DCC: variants seen among roughly 807,000 people sequenced by gnomAD.
The protein encoded by DCC is DCC netrin 1 receptor.
Under a neutral mutation model 172.5 loss-of-function variants are expected in DCC, and 58 were observed. That is an observed-to-expected ratio of 0.34 (90% CI 0.27 to 0.42). DCC has a LOEUF of 0.42. Among genes scored for constraint, DCC ranks in the 10% least tolerant of loss-of-function variants. DCC has a pLI of 1.00. For missense variants in DCC, 1,740 were observed against 1,791.0 expected, an observed-to-expected ratio of 0.97 and a Z score of 0.51; for synonymous variants, 709 against 644.5, an observed-to-expected ratio of 1.10 and a Z score of -1.52.
At chr18:52,683,061 T>A (rs914356410) in intron 1 of DCC, among the ~76,000 whole-genome samples, 1 of 152,062 alleles carries the variant, frequency 6.6e-6, no homozygotes, top group African/African-American at 2.4e-5. Context: ...CGTGGCTCAG[T>A]GTGAATGGAT....
At chr18:52,345,258 TTAAC>T (rs1271855721) in intron 1 of DCC, among the ~76,000 whole-genome samples, 4 of 152,182 alleles carry the variant, frequency 2.6e-5, no homozygotes, top group Admixed American at 2.6e-4. Flanking sequence ...AATTGATTGA[TTAAC>T]TAAGGATAAA....
chr18:53,292,111 C>G (rs1250864562), intron 12 of DCC, among the ~76,000 whole-genome samples: 1 of 71,604 alleles, frequency 1.4e-5, no homozygotes, highest in Non-Finnish European at 3.2e-5. Context: ...TCTTTGAGCT[C>G]CACCCCCCCC....
intron 1 of DCC, among the ~76,000 whole-genome samples, chr18:52,514,511 A>C (rs1357709972): frequency 6.6e-6 from 1 of 152,218 alleles, no homozygotes; most frequent in Non-Finnish European, 1.5e-5. Context: ...GGGGAATAAA[A>C]ATTGCCTTCA....
chr18:53,531,037 A>G lies in DCC; in HGVS notation c.*384A>G. 2.9e-6 allele frequency: 1 copy of G among 342,632 alleles called. No homozygotes were observed. The highest frequency in any genetic ancestry group is 9.9e-4 in the Middle Eastern group (1 of 1,010). 21.2% of individuals were successfully genotyped at this position (342,632 alleles called of 1,614,324 possible). A position where few individuals can be genotyped will look rare whatever the true frequency, so the allele number is the denominator to read the frequency against. On this transcript the variant is annotated 3_prime_UTR_variant, in exon 29 of 29. Coordinates refer to ENST00000442544, the MANE Select transcript of DCC (RefSeq NM_005215.4). ...GTCTAGTCTTACAAAATGCAAGTGC[A>G]TTATTTAAGCCTGTACCATGCCATG...
chr18:52,899,579 T>C (rs542426597), intron 2 of DCC, among the ~76,000 whole-genome samples: 1 of 151,994 alleles, frequency 6.6e-6, no homozygotes, highest in African/African-American at 2.4e-5. Context: ...GGTCTCGAAC[T>C]CCGGAACTCA....
chr18:53,446,523 A>C (rs945728049), intron 22 of DCC, among the ~76,000 whole-genome samples: 5 of 152,146 alleles, frequency 3.3e-5, no homozygotes, highest in African/African-American at 1.2e-4. Context: ...TAACTACACT[A>C]ATCTAGGTTT....
At chr18:52,977,745 C>T (rs1215051972) in intron 5 of DCC, among the ~76,000 whole-genome samples, 2 of 151,684 alleles carry the variant, frequency 1.3e-5, no homozygotes, top group Non-Finnish European at 2.9e-5. Context: ...ATTAGCCGGA[C>T]GTGGTGGCAG....
intron 2 of DCC, among the ~76,000 whole-genome samples, chr18:52,795,485 T>C (rs541928216): frequency 5.3e-5 from 8 of 152,080 alleles, no homozygotes; most frequent in African/African-American, 1.9e-4. Flanking sequence ...TTCTAACTTA[T>C]GTGGGTCTTC....
intron 1 of DCC, among the ~76,000 whole-genome samples, chr18:52,588,308 T>C (rs1467683320): frequency 1.3e-5 from 2 of 152,164 alleles, no homozygotes; most frequent in Non-Finnish European, 2.9e-5. Context: ...ATGGCCCAAG[T>C]GGCAGAGCAG....
chr18:52,962,657 T>C (rs1024104538), intron 5 of DCC, among the ~76,000 whole-genome samples: 6 of 151,828 alleles, frequency 4.0e-5, no homozygotes, highest in Non-Finnish European at 7.4e-5. Flanking sequence ...CATGCACATG[T>C]ATGTTTATTG....
chr18:52,930,699 G>T (rs1377206112), intron 5 of DCC, among the ~76,000 whole-genome samples: 5 of 152,064 alleles, frequency 3.3e-5, no homozygotes, highest in South Asian at 2.1e-4. Context: ...TTGTGAATTT[G>T]CTGTCTTTTT....
intron 27 of DCC, among the ~76,000 whole-genome samples, chr18:53,517,898 CT>C (rs1802538365): frequency 6.6e-6 from 1 of 152,052 alleles, no homozygotes; most frequent in Non-Finnish European, 1.5e-5. Flanking sequence ...ATGCCTGAGG[CT>C]ATTGTGTCTG....
chr18:52,777,351 G>A (rs2145177823), intron 2 of DCC, among the ~76,000 whole-genome samples: 1 of 152,260 alleles, frequency 6.6e-6, no homozygotes, highest in African/African-American at 2.4e-5. Flanking sequence ...GGCTTCTGTT[G>A]GCCCCATAAG....
At chr18:52,988,405 G>A (rs1424172492) in intron 5 of DCC, among the ~76,000 whole-genome samples, 1 of 152,004 alleles carries the variant, frequency 6.6e-6, no homozygotes, top group Non-Finnish European at 1.5e-5. Context: ...TTTATAAAAG[G>A]ATTGCTCCTC....
chr18:53,250,873 G>T (rs2056422072), intron 12 of DCC, among the ~76,000 whole-genome samples: 1 of 151,806 alleles, frequency 6.6e-6, no homozygotes, highest in African/African-American at 2.4e-5. Flanking sequence ...CTACTATCTG[G>T]CTTCTGCTGC....
At chr18:52,847,343 T>C in intron 2 of DCC, among the ~76,000 whole-genome samples, 1 of 152,220 alleles carries the variant, frequency 6.6e-6, no homozygotes, top group East Asian at 1.9e-4. Flanking sequence ...GAGTAGAATC[T>C]GGAAACCACC....
At chr18:53,447,765 G>A (rs376449504) in intron 22 of DCC, among the ~76,000 whole-genome samples, 32 of 152,148 alleles carry the variant, frequency 2.1e-4, no homozygotes, top group African/African-American at 6.5e-4. Context: ...TACAAAAAGG[G>A]CATATTGAAA....
At chr18:52,601,798 T>C (rs904900398) in intron 1 of DCC, among the ~76,000 whole-genome samples, 5 of 152,130 alleles carry the variant, frequency 3.3e-5, no homozygotes, top group African/African-American at 4.8e-5. Flanking sequence ...TGGTCCAATT[T>C]TGCTTCCGTC....
chr18:52,740,361 G>A (rs187782822), intron 1 of DCC, among the ~76,000 whole-genome samples: 132 of 152,188 alleles, frequency 8.7e-4, no homozygotes, highest in Non-Finnish European at 1.6e-3. Context: ...ACCATTCATG[G>A]ACTAAGCAGA....
Sources: allele counts gnomAD v4.1 joint callset (sites outside exome capture counted in the v4.1 genomes callset), GRCh38; gene constraint gnomAD v4.1.1; transcripts MANE v1.5; gene names NCBI Gene and HGNC (gene_info 2026-07-23, HGNC 2026-07-21).